TMEM94: variants seen among roughly 807,000 people sequenced by gnomAD.
TMEM94 encodes transmembrane protein 94.
TMEM94 carries 81 observed loss-of-function variants against 158.6 expected under a neutral mutation model. That is an observed-to-expected ratio of 0.51 (90% confidence interval 0.43 to 0.61). The LOEUF (loss-of-function observed/expected upper bound fraction) is 0.61. Ranked by LOEUF, TMEM94 falls within the 20% of genes least tolerant of loss-of-function variation. TMEM94 has a pLI of 0.00. For missense variants in TMEM94, 1,435 were observed against 1,762.0 expected (o/e 0.81, Z 3.32); for synonymous variants, 751 against 730.7 (o/e 1.03, Z -0.45).
chr17:75,472,139 C>A (rs1476652498), intron 2 of TMEM94, among the ~76,000 whole-genome samples: 5 of 152,214 alleles, frequency 3.3e-5, no homozygotes, highest in Non-Finnish European at 7.3e-5. Context: ...GAAGGTGGAC[C>A]TATTAACACA....
Position 75,483,553 on chromosome 17 carries a change from C to T in TMEM94, c.25-1875C>T, listed in dbSNP as rs530321658. 9.2e-5 allele frequency among the ~76,000 whole-genome samples: 14 copies of T among 151,798 alleles called. 1 individual carries two copies. Among genetic ancestry groups the T allele is most frequent in the African/African-American group, 1.9e-4 (8 of 41,362 alleles). The stretch of plus-strand genomic sequence containing the variant: ...TTGGCTCACTGCAACCTCTGCCTCC[C>T]GGTTCAAGTGATTCTCATGCCTCAG... On this transcript the variant is annotated intron_variant, in intron 2 of 31. Coordinates refer to ENST00000314256, the MANE Select transcript of TMEM94 (RefSeq NM_014738.6).
chr17:75,459,175 T>C (rs1651758602), intron 1 of TMEM94, among the ~76,000 whole-genome samples: 2 of 152,066 alleles, frequency 1.3e-5, no homozygotes, highest in Non-Finnish European at 2.9e-5. Context: ...TTAGCTGCTA[T>C]GTTAGCTCTA....
In TMEM94 at chr17:75,496,825, C is replaced by A. The variant is rs2052738448; in HGVS notation, c.3321+18C>A. ...TCATCCAGGTGAGGTGGGGCCCGCA[C>A]AGGCATTGCCCCCGTGCCACTCACC... On this transcript the variant is annotated intron_variant, in intron 25 of 31. Coordinates refer to ENST00000314256, the MANE Select transcript of TMEM94 (RefSeq NM_014738.6). 2 of 1,610,266 alleles carry A rather than the reference C, an allele frequency of 1.2e-6. No individual in the cohort carries two copies. The highest frequency in any genetic ancestry group is 1.1e-5 in the South Asian group (1 of 91,030).
At chr17:75,468,213 G>T (rs8078577) in intron 1 of TMEM94, among the ~76,000 whole-genome samples, 128,233 of 152,184 alleles carry the variant, frequency 0.84, 54,792 homozygotes, top group African/African-American at 0.93. Context: ...ACGGGTTTCA[G>T]ATCAGACAGT....
chr17:75,491,283 C>A lies in TMEM94; in HGVS notation c.1234-20C>A. On this transcript the variant is annotated intron_variant, in intron 12 of 31. Coordinates refer to ENST00000314256, the MANE Select transcript of TMEM94 (RefSeq NM_014738.6). The surrounding 1 kb of genome is among the most constrained non-coding windows in gnomAD (Gnocchi z 5.1). ...GGCTAATGCCAGGCCCCTTTCCTATCTCAAATGCTTTCCATGCAGGTCCTG... is the reference window on the plus strand; with the variant it reads ...GGCTAATGCCAGGCCCCTTTCCTATATCAAATGCTTTCCATGCAGGTCCTG... 6.2e-7 allele frequency: 1 copy of A among 1,613,960 alleles called. No individual in the cohort carries two copies. Among genetic ancestry groups the A allele is most frequent in the East Asian group, 2.2e-5 (1 of 44,886 alleles).
chr17:75,483,592 T>C (rs761662504), intron 2 of TMEM94, among the ~76,000 whole-genome samples: 51 of 151,738 alleles, frequency 3.4e-4, no homozygotes, highest in Non-Finnish European at 5.7e-4. Flanking sequence ...CCCAAGCAGC[T>C]GGGATTACAT....
chr17:75,481,586 G>C (rs776159193), intron 2 of TMEM94, among the ~76,000 whole-genome samples: 10 of 152,238 alleles, frequency 6.6e-5, no homozygotes, highest in Non-Finnish European at 1.3e-4. Flanking sequence ...TGCCGAGGAG[G>C]GGGTATGTGT....
Position 75,490,313 on chromosome 17 carries a change from T to C in TMEM94, c.1034T>C (p.Val345Ala). The C allele has an allele frequency of 6.2e-7, 1 of 1,614,110 alleles. No homozygotes were observed. The highest frequency in any genetic ancestry group is 8.5e-7 in the Non-Finnish European group (1 of 1,180,036). ...VLATACGEAR[V>A]LAQMSKASPS... ...GCAACTGCCTGTGGAGAGGCCCGTGTCCTGGCCCAGATGAGCAAGGCCTCA... is the reference window on the plus strand; with the variant it reads ...GCAACTGCCTGTGGAGAGGCCCGTGCCCTGGCCCAGATGAGCAAGGCCTCA... Residue 345 changes from valine (V) to alanine (A), a missense_variant, in exon 10 of 32, where the codon GTC becomes GCC. Physicochemically the swap from Val to Ala is moderately conservative, Grantham distance 64. Transcript: ENST00000314256.
At chr17:75,471,965 G>C (rs750415211) in intron 2 of TMEM94, 36 bp downstream of exon 2, 3 of 1,607,594 alleles carry the variant, frequency 1.9e-6, no homozygotes, top group Non-Finnish European at 1.7e-6. Context: ...GGTATTGTCT[G>C]TGTGTCTCTG....
Position 75,491,716 on chromosome 17 carries a change from C to G in TMEM94, c.1412C>G (p.Ala471Gly). The change falls in exon 14 of 32, where the codon GCT becomes GGT. Residue 471 changes from alanine (A) to glycine (G), a missense_variant. Coordinates refer to ENST00000314256, the MANE Select transcript of TMEM94 (RefSeq NM_014738.6). The surrounding 1 kb of genome is among the most constrained non-coding windows in gnomAD (Gnocchi z 5.1). The stretch of plus-strand genomic sequence containing the variant: ...CCCCATGAACGAGACGCCCTCCTGG[C>G]TGGCTCCCTGAACAACACCCTGCAC... Reference protein sequence around the residue: ...PEPHERDALLAGSLNNTLHLS... With the variant: ...PEPHERDALLGGSLNNTLHLS... 6.2e-7 allele frequency: 1 copy of G among 1,614,096 alleles called. No homozygotes were observed.
Position 75,485,867 on chromosome 17 carries a change from C to A in TMEM94, c.145-4C>A, listed in dbSNP as rs199760830. The A allele has an allele frequency of 2.3e-4, 375 of 1,609,608 alleles. 5 individuals carry two copies. Among genetic ancestry groups the A allele is most frequent in the Admixed American group, 5.0e-5 (3 of 59,684 alleles). On this transcript the variant is annotated splice_region_variant and splice_polypyrimidine_tract_variant and intron_variant, in intron 3 of 31. Transcript: ENST00000314256. The surrounding 1 kb of genome is among the most constrained non-coding windows in gnomAD (Gnocchi z 5.5). The stretch of plus-strand genomic sequence containing the variant: ...ATTGTCCCCTCCCTGTCCGAACTTC[C>A]CAGGAGGTGTGGAGAAGCAGCTTCC...
chr17:75,497,759 C>T (rs780593357), intron 26 of TMEM94, 22 bp from the exon 27 acceptor site: 87 of 1,598,204 alleles, frequency 5.4e-5, no homozygotes, highest in Non-Finnish European at 7.2e-5. Context: ...CACCATCCCT[C>T]TACCTGATCT....
Position 75,491,507 on chromosome 17 carries a change from G to C in TMEM94, c.1386+52G>C, listed in dbSNP as rs767257532. The stretch of plus-strand genomic sequence containing the variant: ...CATGGGCCCGACTCTGGGCCAGGCT[G>C]TTTAGCCTTGGAGCCTGGCCAGGGA... On this transcript the variant is annotated intron_variant, in intron 13 of 31. Transcript: ENST00000314256. The surrounding 1 kb of genome is among the most constrained non-coding windows in gnomAD (Gnocchi z 5.1). The C allele has an allele frequency of 3.7e-6, 6 of 1,612,798 alleles. No individual in the cohort carries two copies. In the South Asian group the frequency reaches 5.5e-5, roughly 15 times the overall value.
chr17:75,496,691 G>C, intron 24 of TMEM94, 39 bp from the exon 25 acceptor site: 1 of 1,600,800 alleles, frequency 6.2e-7, no homozygotes, highest in East Asian at 2.2e-5. Context: ...GGAGAGGCCA[G>C]GTAGACCCAG....
chr17:75,470,708 A>ATAAT (rs1452897278), intron 1 of TMEM94, among the ~76,000 whole-genome samples: 1 of 151,464 alleles, frequency 6.6e-6, no homozygotes, highest in African/African-American at 2.4e-5. Context: ...CTGTCTCAAA[A>ATAAT]AAAAAAAAAA....
At chr17:75,458,882 C>G (rs1216551775) in intron 1 of TMEM94, among the ~76,000 whole-genome samples, 6 of 151,218 alleles carry the variant, frequency 4.0e-5, no homozygotes, top group Non-Finnish European at 8.8e-5. Flanking sequence ...ACGGTGAAAC[C>G]CCATCTCTAC....
chr17:75,493,558 C>T lies in TMEM94; in HGVS notation c.2154C>T (p.Asp718=), dbSNP rs200757930. The T allele has an allele frequency of 3.7e-5, 59 of 1,614,028 alleles. No homozygotes were observed. The highest frequency in any genetic ancestry group is 8.3e-5 in the Admixed American group (5 of 60,026). The change falls in exon 17 of 32, where the codon GAC becomes GAT. Residue 718 remains aspartate, a synonymous_variant. Coordinates refer to ENST00000314256, the MANE Select transcript of TMEM94 (RefSeq NM_014738.6). ...VVLEACTDFW[D]GADIYPLSGS... is the part of the protein sequence containing the mutation. ...TAGAGGCCTGCACAGACTTCTGGGA[C>T]GGAGCTGACATCTACCCTCTCTCGG...
chr17:75,469,936 G>A (rs2050437415), intron 1 of TMEM94, among the ~76,000 whole-genome samples: 1 of 152,088 alleles, frequency 6.6e-6, no homozygotes, highest in Non-Finnish European at 1.5e-5. Flanking sequence ...AGCTGGGCGT[G>A]GTGGCACATG....
intron 1 of TMEM94, among the ~76,000 whole-genome samples, chr17:75,463,008 TAAA>T (rs1217028321): frequency 7.0e-4 from 4 of 5,682 alleles, no homozygotes; most frequent in African/African-American, 5.6e-3. Context: ...ATAAAAAAAG[TAAA>T]AAAAAAAAAA....
Sources: allele counts gnomAD v4.1 joint callset (sites outside exome capture counted in the v4.1 genomes callset), GRCh38; gene constraint gnomAD v4.1.1; non-coding constraint Gnocchi (gnomAD v3.1); transcripts MANE v1.5; gene names NCBI Gene and HGNC (gene_info 2026-07-23, HGNC 2026-07-21).